AKR7A3: variants seen among roughly 807,000 people sequenced by gnomAD.
The protein encoded by AKR7A3 is aldo-keto reductase family 7 member A3.
Under a neutral mutation model 32.5 loss-of-function variants are expected in AKR7A3, and 37 were observed. The observed-to-expected ratio is 1.14, with a 90% CI of 0.88 to 1.50. The LOEUF (loss-of-function observed/expected upper bound fraction) is 1.50. Among genes scored for constraint, AKR7A3 ranks in the 40% most tolerant of loss-of-function variants. The probability of loss-of-function intolerance (pLI) is 0.00; values close to 1 mark genes in which losing one functional copy is unlikely to be tolerated. For synonymous variants in AKR7A3, 177 were observed against 188.4 expected (o/e 0.94, Z 0.50); for missense variants, 412 against 453.2 (o/e 0.91, Z 0.83).
At chr1:19,283,423 A>G (rs2093722345) in intron 6 of AKR7A3, among the ~76,000 whole-genome samples, 1 of 151,880 alleles carries the variant, frequency 6.6e-6, no homozygotes, top group Non-Finnish European at 1.5e-5. Flanking sequence ...GCTGGGTGAA[A>G]CTCAGTTTCC....
chr1:19,274,909 A>AAAAAAAAAAAAAAAAAAAAAAAAC, the AKR7A3 span, among the ~76,000 whole-genome samples: 1 of 148,026 alleles, frequency 6.8e-6, no homozygotes, highest in Non-Finnish European at 1.5e-5. Flanking sequence ...CAAAAAAAAA[A>AAAAAAAAAAAAAAAAAAAAAAAAC]AAAAAAGACC....
At chr1:19,275,964 G>A in the AKR7A3 span, among the ~76,000 whole-genome samples, 1 of 151,946 alleles carries the variant, frequency 6.6e-6, no homozygotes, top group African/African-American at 2.4e-5. Flanking sequence ...AACTTAAGAA[G>A]AAATAGACAA....
Position 19,288,614 on chromosome 1 carries a change from C to A in AKR7A3, c.96G>T (p.Thr32=). Residue 32 remains threonine (T), a synonymous_variant, in exon 1 of 7, where the codon ACG becomes ACT. Coordinates refer to ENST00000361640, the MANE Select transcript of AKR7A3 (RefSeq NM_012067.3). ...RMDAPTSAAV[T]RAFLERGHTE... Reference sequence around the variant, plus strand: ...TGTGGCCGCGCTCCAGGAAGGCGCGCGTGACTGCGGCGCTGGTGGGCGCGT... The same window carrying A: ...TGTGGCCGCGCTCCAGGAAGGCGCGAGTGACTGCGGCGCTGGTGGGCGCGT... 6.3e-7 allele frequency: 1 copy of A among 1,587,668 alleles called. No homozygotes were observed. The highest frequency in any genetic ancestry group is 2.2e-4 in the Middle Eastern group (1 of 4,584).
At chr1:19,276,737 G>C in the AKR7A3 span, among the ~76,000 whole-genome samples, 1 of 151,800 alleles carries the variant, frequency 6.6e-6, no homozygotes, top group Non-Finnish European at 1.5e-5. Flanking sequence ...GGGAGACAGA[G>C]GTTGCAGTGA....
At chr1:19,285,619 G>C (rs1478623091) in intron 3 of AKR7A3, among the ~76,000 whole-genome samples, 4 of 151,676 alleles carry the variant, frequency 2.6e-5, no homozygotes, top group Non-Finnish European at 5.9e-5. Flanking sequence ...AGGGGCGGTG[G>C]TGGGGGAAGG....
At chr1:19,276,062 G>T in the AKR7A3 span, among the ~76,000 whole-genome samples, 1 of 151,788 alleles carries the variant, frequency 6.6e-6, no homozygotes, top group Admixed American at 6.6e-5. Flanking sequence ...ACTCGGTAAA[G>T]GTATAGAAGA....
chr1:19,285,190 C>A, intron 3 of AKR7A3, 76 bp from the exon 4 acceptor site: 1 of 1,371,062 alleles, frequency 7.3e-7, no homozygotes, highest in Non-Finnish European at 1.0e-6. Context: ...TTCCAGAACC[C>A]TTATTTCAGA....
At chr1:19,274,897 T>TAAAAAAAAAAAAAAAAAAAAAAAA in the AKR7A3 span, among the ~76,000 whole-genome samples, 1 of 6,152 alleles carries the variant, frequency 1.6e-4, no homozygotes. Flanking sequence ...TGTCTCTAAA[T>TAAAAAAAAAAAAAAAAAAAAAAAA]ACAAAAAAAA....
chr1:19,274,496 T>C, the AKR7A3 span, among the ~76,000 whole-genome samples: 1 of 151,422 alleles, frequency 6.6e-6, no homozygotes, highest in Admixed American at 6.6e-5. Context: ...TTAACGGGTG[T>C]GGTGGACCTA....
intron 1 of AKR7A3, 114 bp downstream of exon 1, chr1:19,288,382 G>A: frequency 2.3e-6 from 3 of 1,314,840 alleles, no homozygotes; most frequent in South Asian, 2.9e-5. Flanking sequence ...TGGGGGCGGT[G>A]GGGGGGACAA....
At chr1:19,281,699 A>AT (rs2093719139), downstream of AKR7A3, among the ~76,000 whole-genome samples, 3 of 152,064 alleles carry the variant, frequency 2.0e-5, no homozygotes, top group South Asian at 6.2e-4. Context: ...ATTATGTTGA[A>AT]TTTTCTTATC....
chr1:19,285,749 G>A (rs1214425847), intron 3 of AKR7A3, 139 bp downstream of exon 3: 2 of 1,001,084 alleles, frequency 2.0e-6, no homozygotes, highest in South Asian at 1.5e-5. Flanking sequence ...CATCCTGAGG[G>A]TACCTGGGAG....
In AKR7A3 at chr1:19,286,024, T is replaced by C. The variant is rs764223815; in HGVS notation, c.403-32A>G. Reference sequence around the variant, plus strand: ...AGGTGAGGCTCCAGTCAGAACATAGTGCAGCCCAGACCAGGAAAGGGAGGC... The same window carrying C: ...AGGTGAGGCTCCAGTCAGAACATAGCGCAGCCCAGACCAGGAAAGGGAGGC... On this transcript the variant is annotated intron_variant, in intron 2 of 6. Transcript: ENST00000361640. The C allele has an allele frequency of 3.7e-6, 6 of 1,612,592 alleles. 1 individual carries two copies. The African/African-American group carries it at 6.7e-5, about 18-fold the overall frequency.
At chr1:19,283,381 A>G (rs2795374) in intron 6 of AKR7A3, among the ~76,000 whole-genome samples, 1 of 152,066 alleles carries the variant, frequency 6.6e-6, no homozygotes, top group East Asian at 1.9e-4. Context: ...CTTTACAGTT[A>G]AACCTGTGTT....
chr1:19,278,354 T>C (rs1252126897), downstream of AKR7A3, among the ~76,000 whole-genome samples: 1 of 151,640 alleles, frequency 6.6e-6, no homozygotes, highest in Non-Finnish European at 1.5e-5. Flanking sequence ...GGTCAGGGGA[T>C]TGAGACCATC....
the AKR7A3 span, among the ~76,000 whole-genome samples, chr1:19,275,307 A>G: frequency 6.6e-6 from 1 of 151,662 alleles, no homozygotes; most frequent in South Asian, 2.1e-4. Flanking sequence ...GCTACTTGGG[A>G]GGCTGAGGCA....
the AKR7A3 span, among the ~76,000 whole-genome samples, chr1:19,276,606 A>G: frequency 6.6e-6 from 1 of 151,124 alleles, no homozygotes; most frequent in Non-Finnish European, 1.5e-5. Context: ...GTTCCAGATC[A>G]GCCTGGTCAA....
At chr1:19,284,314 C>T (rs72651437) in intron 5 of AKR7A3, among the ~76,000 whole-genome samples, 189 bp from the exon 6 acceptor site, 1 of 152,064 alleles carries the variant, frequency 6.6e-6, no homozygotes, top group Non-Finnish European at 1.5e-5. Context: ...GCAGAGACCT[C>T]AACAAATCTT....
downstream of AKR7A3, among the ~76,000 whole-genome samples, chr1:19,282,238 G>T (rs573949165): frequency 6.6e-6 from 1 of 151,820 alleles, no homozygotes; most frequent in Non-Finnish European, 1.5e-5. Context: ...TAGGGTATGG[G>T]GGCAAATCCC....
Sources: gnomAD v4.1 joint callset for allele counts (sites outside exome capture counted in the v4.1 genomes callset) on GRCh38, gnomAD v4.1.1 for gene constraint, MANE v1.5 for transcripts, NCBI Gene and HGNC (gene_info 2026-07-23, HGNC 2026-07-21) for gene names.